Variants in HIVEP2 observed in about 807,000 individuals in gnomAD.
The protein encoded by HIVEP2 is HIVEP zinc finger 2.
In HIVEP2, 14 loss-of-function variants were observed where a neutral mutation model predicts 180.7. The ratio of observed to expected loss-of-function variants is 0.08; its 90% CI spans 0.05 to 0.12. HIVEP2 has a LOEUF of 0.12. Ranked by LOEUF, HIVEP2 falls within the 10% of genes least tolerant of loss-of-function variation. The pLI is 1.00. For missense variants in HIVEP2, 2,579 were observed against 3,008.5 expected, an observed-to-expected ratio of 0.86 and a Z score of 3.34; for synonymous variants, 1,184 against 1,136.4, an observed-to-expected ratio of 1.04 and a Z score of -0.84.
At position 142,774,540 on chromosome 6, in the gene HIVEP2, C is replaced by T. The variant is rs756129409; in HGVS notation, c.199G>A (p.Gly67Arg). The T allele has an allele frequency of 3.1e-6, 5 of 1,614,192 alleles. No homozygotes were observed. The highest frequency in any genetic ancestry group is 4.2e-6 in the Non-Finnish European group (5 of 1,180,036). Residue 67 changes from glycine to arginine, a missense_variant, in exon 5 of 10, where the codon GGG becomes AGG. Gly to Arg is a moderately radical substitution (Grantham distance 125, BLOSUM62 -2). Transcript: ENST00000367603. The surrounding 1 kb of genome is among the most constrained non-coding windows in gnomAD (Gnocchi z 5.1). ...ACTTCACTAGGGGAGGCCAGTTTCC[C>T]AGAACCAAACAGTTGTGCTGATGCT... ...NTASAQLFGS[G>R]KLASPSEVVQ...
chr6:142,864,205 C>T (rs1385645000), intron 1 of HIVEP2, among the ~76,000 whole-genome samples: 1 of 152,102 alleles, frequency 6.6e-6, no homozygotes, highest in Non-Finnish European at 1.5e-5. Flanking sequence ...CCTGCCTTGG[C>T]TCACTCTCTG....
At chr6:142,820,458 A>G (rs1310979257) in intron 2 of HIVEP2, among the ~76,000 whole-genome samples, 1 of 152,148 alleles carries the variant, frequency 6.6e-6, no homozygotes, top group Non-Finnish European at 1.5e-5. Flanking sequence ...CAATGGCCCA[A>G]ACATTTTCAG....
In HIVEP2 at chr6:142,943,106, G is replaced by T. The variant is rs1411798819; in HGVS notation, c.-641+1993C>A. Among the ~76,000 whole-genome samples the T allele has an allele frequency of 6.6e-6, 1 of 152,052 alleles. No individual in the cohort carries two copies. Among genetic ancestry groups the T allele is most frequent in the African/African-American group, 2.4e-5 (1 of 41,378 alleles). ...TCATTTGGTACTATGACTCCTTAGG[G>T]TTCCACAGGGAATTTTCTCTTAATA... On this transcript the variant is annotated intron_variant, in intron 1 of 9. Transcript: ENST00000367603. The surrounding 1 kb of genome is among the most constrained non-coding windows in gnomAD (Gnocchi z 4.5).
chr6:142,793,337 GGAATATTTACTGATGACTT>G (rs1776186606), intron 2 of HIVEP2, among the ~76,000 whole-genome samples: 1 of 151,978 alleles, frequency 6.6e-6, no homozygotes, highest in African/African-American at 2.4e-5. Flanking sequence ...AGAAATTTAG[GGAATATTTACTGATGACTT>G]GAATATTTAC....
intron 1 of HIVEP2, among the ~76,000 whole-genome samples, chr6:142,875,142 T>C (rs1562274522): frequency 6.6e-6 from 1 of 152,150 alleles, no homozygotes; most frequent in Non-Finnish European, 1.5e-5. Context: ...CAAACTTGGG[T>C]CACAGGTGGC....
chr6:142,894,645 G>A (rs1216585242), intron 1 of HIVEP2, among the ~76,000 whole-genome samples: 1 of 152,244 alleles, frequency 6.6e-6, no homozygotes, highest in Non-Finnish European at 1.5e-5. Context: ...TGTCCAGCGT[G>A]TCTTGCAGTG....
intron 1 of HIVEP2, among the ~76,000 whole-genome samples, chr6:142,863,791 C>T (rs561985912): frequency 6.6e-6 from 1 of 152,280 alleles, no homozygotes; most frequent in African/African-American, 2.4e-5. Flanking sequence ...AGATTAGGAT[C>T]CCCCAAGGAG....
intron 9 of HIVEP2, among the ~76,000 whole-genome samples, chr6:142,758,282 C>A (rs1388369939): frequency 6.6e-6 from 1 of 152,206 alleles, no homozygotes; most frequent in Non-Finnish European, 1.5e-5. Flanking sequence ...GGAATTGCTT[C>A]ATCAAGATGA....
intron 1 of HIVEP2, among the ~76,000 whole-genome samples, chr6:142,844,597 C>G (rs1775459818): frequency 6.6e-6 from 1 of 152,172 alleles, no homozygotes; most frequent in Non-Finnish European, 1.5e-5. Flanking sequence ...CTTCACTATG[C>G]TTCCTGTTCT....
chr6:142,938,347 G>A (rs1032466756), intron 1 of HIVEP2, among the ~76,000 whole-genome samples: 4 of 152,118 alleles, frequency 2.6e-5, no homozygotes, highest in African/African-American at 7.2e-5. Context: ...CCAAATTAGC[G>A]TTTCATATGT....
At chr6:142,826,342 C>A (rs1456722008) in intron 2 of HIVEP2, among the ~76,000 whole-genome samples, 1 of 152,120 alleles carries the variant, frequency 6.6e-6, no homozygotes, top group Non-Finnish European at 1.5e-5. Flanking sequence ...TTACTGTGAC[C>A]TAAGAGATTG....
chr6:142,911,748 A>C (rs1193869521), intron 1 of HIVEP2, among the ~76,000 whole-genome samples: 1 of 152,166 alleles, frequency 6.6e-6, no homozygotes, highest in East Asian at 1.9e-4. Flanking sequence ...CAGTTCAAGA[A>C]ACAATCAGGG....
intron 3 of HIVEP2, among the ~76,000 whole-genome samples, chr6:142,782,681 A>G (rs1427087267): frequency 2.6e-5 from 4 of 152,188 alleles, no homozygotes; most frequent in African/African-American, 9.7e-5. Flanking sequence ...AAGTAAAAAT[A>G]CTGTGATGAT....
chr6:142,826,710 A>T (rs1215054903), intron 2 of HIVEP2, among the ~76,000 whole-genome samples: 1 of 152,210 alleles, frequency 6.6e-6, no homozygotes, highest in Non-Finnish European at 1.5e-5. Context: ...CAGGCTGAGC[A>T]CATTTTAGGG....
At chr6:142,779,758 A>AG (rs1289500942) in intron 3 of HIVEP2, among the ~76,000 whole-genome samples, 2 of 152,248 alleles carry the variant, frequency 1.3e-5, no homozygotes, top group African/African-American at 4.8e-5. Context: ...CAATGAGGTA[A>AG]TACCTTTATA....
chr6:142,767,235 C>T (rs1250074241), intron 6 of HIVEP2, among the ~76,000 whole-genome samples: 2 of 152,148 alleles, frequency 1.3e-5, no homozygotes, highest in Non-Finnish European at 2.9e-5. Context: ...AGGGACCTCT[C>T]AGTCTCTGAG....
At chr6:142,767,101 T>C (rs910415350) in intron 6 of HIVEP2, among the ~76,000 whole-genome samples, 3 of 152,204 alleles carry the variant, frequency 2.0e-5, no homozygotes, top group Non-Finnish European at 4.4e-5. Context: ...CTTTTTCACT[T>C]GTGTCCTTCG....
intron 1 of HIVEP2, among the ~76,000 whole-genome samples, chr6:142,917,473 G>A (rs1356918412): frequency 6.6e-6 from 1 of 151,982 alleles, no homozygotes; most frequent in Non-Finnish European, 1.5e-5. Flanking sequence ...GAGTGCATGT[G>A]GATTCCAAAT....
At chr6:142,778,090 T>C (rs1283656492) in intron 3 of HIVEP2, among the ~76,000 whole-genome samples, 1 of 152,222 alleles carries the variant, frequency 6.6e-6, no homozygotes, top group East Asian at 1.9e-4. Context: ...CCATGAAGCC[T>C]AAGAGATTTG....
Sources: gnomAD v4.1 joint callset for allele counts (sites outside exome capture counted in the v4.1 genomes callset) on GRCh38, gnomAD v4.1.1 for gene constraint, Gnocchi (gnomAD v3.1) non-coding constraint, MANE v1.5 for transcripts, NCBI Gene and HGNC (gene_info 2026-07-23, HGNC 2026-07-21) for gene names.